CUL4B: variants seen among roughly 807,000 people sequenced by gnomAD.
CUL4B encodes the protein cullin 4B.
CUL4B carries 1 observed loss-of-function variant against 69.2 expected under a neutral mutation model. The ratio of observed to expected loss-of-function variants is 0.01; its 90% confidence interval spans 0.01 to 0.07. The LOEUF (loss-of-function observed/expected upper bound fraction) is 0.07. Among genes scored for constraint, CUL4B ranks in the 10% least tolerant of loss-of-function variants. The pLI is 1.00. For synonymous variants in CUL4B, 237 were observed against 223.2 expected, an observed-to-expected ratio of 1.06 and a Z score of -0.55; for missense variants, 328 against 638.8, an observed-to-expected ratio of 0.51 and a Z score of 5.24.
upstream of CUL4B, among the ~76,000 whole-genome samples, chrX:120,562,108 C>G (rs923279091): frequency 1.8e-5 from 2 of 111,430 alleles, no homozygotes; most frequent in African/African-American, 6.5e-5. Context: ...CAGGATCGTC[C>G]TAACCCCCAC....
At chrX:120,572,410 A>G (rs1415171289) in intron 2 of CUL4B, among the ~76,000 whole-genome samples, 2 of 102,197 alleles carry the variant, frequency 2.0e-5, no homozygotes, top group Non-Finnish European at 4.0e-5. Flanking sequence ...GGTTGCAGTG[A>G]GCCGAAATCA....
At chrX:120,542,870 T>G in intron 9 of CUL4B, 96 bp downstream of exon 9, 5 of 603,131 alleles carry the variant, frequency 8.3e-6, no homozygotes, top group Non-Finnish European at 2.8e-6. Context: ...AGCCACATGC[T>G]ATCAAACTTT....
At chrX:120,564,211 A>G (rs770179680), upstream of CUL4B, among the ~76,000 whole-genome samples, 3 of 112,218 alleles carry the variant, frequency 2.7e-5, no homozygotes, top group Non-Finnish European at 5.6e-5. Flanking sequence ...GCTGAGGCAA[A>G]AGAATCCCTT....
chrX:120,559,332 T>C (rs1008459027), intron 1 of CUL4B, among the ~76,000 whole-genome samples: 1 of 112,409 alleles, frequency 8.9e-6, no homozygotes, highest in Non-Finnish European at 1.9e-5. Flanking sequence ...TGATTTTATA[T>C]TTGCCTCAAT....
At chrX:120,558,372 C>T (rs935844854) in intron 1 of CUL4B, among the ~76,000 whole-genome samples, 21 of 111,573 alleles carry the variant, frequency 1.9e-4, no homozygotes, top group African/African-American at 6.2e-4. Context: ...AAACCTAAGT[C>T]GACATGAATT....
intron 18 of CUL4B, among the ~76,000 whole-genome samples, chrX:120,531,671 G>A: frequency 9.1e-6 from 1 of 110,245 alleles, no homozygotes; most frequent in Non-Finnish European, 1.9e-5. Flanking sequence ...TGTTGGCCAA[G>A]CTGGTTTTGA....
intron 14 of CUL4B, 75 bp downstream of exon 14, chrX:120,538,049 T>G: frequency 1.4e-6 from 1 of 735,070 alleles, no homozygotes; most frequent in Admixed American, 2.3e-5. Context: ...ATTTATCCTC[T>G]TTAGTACAAA....
Position 120,546,041 on chromosome X carries a change from A to T in CUL4B, c.846+506T>A, listed in dbSNP as rs772926238. On this transcript the variant is annotated intron_variant, in intron 4 of 19. Coordinates refer to ENST00000371322, the MANE Select transcript of CUL4B (RefSeq NM_001079872.2). ...CAGGATAATCATCAAGAGAGAAAAA[A>T]AAATAAGAGTGACAGACGAAATGTA... is the stretch of plus-strand genomic sequence containing the variant. Among the ~76,000 whole-genome samples, 382 of 111,936 alleles carry T rather than the reference A, an allele frequency of 3.4e-3. 2 individuals carry two copies. Among genetic ancestry groups the T allele is most frequent in the Non-Finnish European group, 5.7e-3 (303 of 53,234 alleles).
At chrX:120,569,407 G>C (rs888802781), downstream of CUL4B, among the ~76,000 whole-genome samples, 1 of 106,697 alleles carries the variant, frequency 9.4e-6, no homozygotes, top group Non-Finnish European at 1.9e-5. Context: ...GTCTTCCAGG[G>C]TGGAGTGCAG....
At chrX:120,538,981 T>C (rs967326118) in intron 12 of CUL4B, among the ~76,000 whole-genome samples, 1 of 112,023 alleles carries the variant, frequency 8.9e-6, no homozygotes, top group Non-Finnish European at 1.9e-5. Flanking sequence ...CATGTAACTG[T>C]CTTGATTGCA....
chrX:120,537,999 T>C (rs1923769480), intron 14 of CUL4B, 125 bp downstream of exon 14: 1 of 503,713 alleles, frequency 2.0e-6, no homozygotes, highest in Admixed American at 3.5e-5. Flanking sequence ...CTACTGTGAA[T>C]ATCACCTCAG....
chrX:120,568,969 A>G (rs1348128078), downstream of CUL4B, among the ~76,000 whole-genome samples: 2 of 112,212 alleles, frequency 1.8e-5, no homozygotes, highest in East Asian at 5.5e-4. Context: ...AAAATGAAGA[A>G]TAAGAAAATA....
chrX:120,548,812 C>T lies in CUL4B; in HGVS notation c.673-1573G>A, dbSNP rs190827523. Among the ~76,000 whole-genome samples the T allele has an allele frequency of 4.5e-5, 5 of 111,279 alleles. No individual in the cohort carries two copies. The Admixed American group carries it at 4.8e-4, about 11-fold the overall frequency. On this transcript the variant is annotated intron_variant, in intron 2 of 19. Transcript: ENST00000371322. ...TCACACCAGTGCACTCCAGCCTGGG[C>T]AACAGAGAGAGACTCCATCTCAAAA...
rs189531374 is a variant in CUL4B at position 120,550,387 on chromosome X, G to A, written c.673-3148C>T. Among the ~76,000 whole-genome samples the A allele has an allele frequency of 3.1e-3, 346 of 111,812 alleles. 4 individuals carry two copies. The Admixed American group carries it at 0.031, about 10-fold the overall frequency. The stretch of plus-strand genomic sequence containing the variant: ...TGCACATAGAAAGGGCTTCTAGTAT[G>A]AGAAAAGTTGCCAGAAAACGTGTAA... On this transcript the variant is annotated intron_variant, in intron 2 of 19. Transcript: ENST00000371322.
chrX:120,570,990 G>A (rs1246503362), downstream of CUL4B, among the ~76,000 whole-genome samples: 5 of 95,360 alleles, frequency 5.2e-5, no homozygotes, highest in African/African-American at 1.5e-4. Flanking sequence ...CCAGGAGTTC[G>A]AGACTAGCCT....
At position 120,526,759 on chromosome X, in the gene CUL4B, T is replaced by C. The variant is rs1922992165; in HGVS notation, c.*2A>G. 1 of 1,157,299 alleles carries C rather than the reference T, an allele frequency of 8.6e-7. No homozygotes were observed. Among genetic ancestry groups the C allele is most frequent in the Non-Finnish European group, 1.2e-6 (1 of 850,927 alleles). ...GACACCAAATGCTGCAAGGCCAACA[T>C]TCTATGCAATATAGTTGTACTGGTT... On this transcript the variant is annotated 3_prime_UTR_variant, in exon 20 of 20. Coordinates refer to ENST00000371322, the MANE Select transcript of CUL4B (RefSeq NM_001079872.2).
In CUL4B at chrX:120,560,883, AG is replaced by A. The variant is rs1925255506; in HGVS notation, c.-246del. 2 of 750,524 alleles carry A rather than the reference AG, an allele frequency of 2.7e-6. No homozygotes were observed. The highest frequency in any genetic ancestry group is 3.1e-6 in the Non-Finnish European group (2 of 638,306). The allele number at this position is 750,524 out of a possible 1,213,427, so 61.9% of individuals were successfully genotyped here. A position where few individuals can be genotyped will look rare whatever the true frequency, so the allele number is the denominator to read the frequency against. ...GGGGAGAGCGAATGAGGAGGCAGAC[AG>A]GTAAACGGCCGTGCCGTCCCCCTCC... On this transcript the variant is annotated 5_prime_UTR_variant, in exon 1 of 20. Coordinates refer to ENST00000371322, the MANE Select transcript of CUL4B (RefSeq NM_001079872.2).
intron 2 of CUL4B, among the ~76,000 whole-genome samples, chrX:120,552,062 ATAT>A (rs1476672241): frequency 1.8e-5 from 2 of 112,189 alleles, no homozygotes; most frequent in Admixed American, 9.5e-5. Context: ...GTATTTTTAC[ATAT>A]TATGCATTGT....
chrX:120,561,491 G>T, upstream of CUL4B: 1 of 450,104 alleles, frequency 2.2e-6, no homozygotes, highest in Non-Finnish European at 4.1e-6. Flanking sequence ...AAGTGGATAG[G>T]AGGAGGGGGC....
Sources: allele counts gnomAD v4.1 joint callset (sites outside exome capture counted in the v4.1 genomes callset), GRCh38; gene constraint gnomAD v4.1.1; transcripts MANE v1.5; gene names NCBI Gene and HGNC (gene_info 2026-07-23, HGNC 2026-07-21).